FGF12: variants seen among roughly 807,000 people sequenced by gnomAD.
FGF12 encodes the protein fibroblast growth factor 12.
FGF12 carries 14 observed loss-of-function variants against 23.6 expected under a neutral mutation model. That is an observed-to-expected ratio of 0.59 (90% CI 0.39 to 0.93). The LOEUF is 0.93. FGF12 is among the 40% of genes least tolerant of loss of function. The probability of loss-of-function intolerance (pLI) is 0.00; values close to 1 mark genes in which losing one functional copy is unlikely to be tolerated. For missense variants in FGF12, 175 were observed against 217.8 expected (o/e 0.80, Z 1.24); for synonymous variants, 62 against 77.3 (o/e 0.80, Z 1.04).
At chr3:192,629,602 G>A (rs946304815) in intron 2 of FGF12, among the ~76,000 whole-genome samples, 4 of 152,144 alleles carry the variant, frequency 2.6e-5, no homozygotes, top group African/African-American at 9.7e-5. Context: ...GCATTATTTG[G>A]CTCCCAGACT....
intron 5 of FGF12, among the ~76,000 whole-genome samples, chr3:192,167,772 A>ATATTT (rs1715302128): frequency 1.9e-4 from 3 of 15,396 alleles, no homozygotes; most frequent in African/African-American, 4.5e-4. Flanking sequence ...TATATATAAA[A>ATATTT]TTTTTTTTTT....
intron 2 of FGF12, among the ~76,000 whole-genome samples, chr3:192,402,540 C>T (rs1341384014): frequency 1.3e-5 from 2 of 152,170 alleles, no homozygotes; most frequent in Non-Finnish European, 2.9e-5. Flanking sequence ...CTTCCTAACC[C>T]TCAGTGTGGT....
intron 4 of FGF12, among the ~76,000 whole-genome samples, chr3:192,241,660 A>G (rs1156619705): frequency 6.6e-6 from 1 of 152,146 alleles, no homozygotes; most frequent in Non-Finnish European, 1.5e-5. Flanking sequence ...AAAAGCTTTA[A>G]AGATGGGAAA....
chr3:192,171,338 T>C (rs77559126), intron 4 of FGF12, among the ~76,000 whole-genome samples: 6,631 of 152,244 alleles, frequency 0.044, 193 homozygotes, highest in Admixed American at 0.058. Context: ...CAGAAGAAAC[T>C]GTAAGATCCT....
At position 192,168,000 on chromosome 3, in the gene FGF12, C is replaced by T. The variant is rs899613258; in HGVS notation, c.427+2458G>A. ...CAGGCTGATCTCAAACTCCTGACCT[C>T]GTGATCCGCCCACCTCGGTCTCCCA... On this transcript the variant is annotated intron_variant, in intron 5 of 5. Coordinates refer to ENST00000445105, the MANE Select transcript of FGF12 (RefSeq NM_004113.6). 9.3e-5 allele frequency among the ~76,000 whole-genome samples: 14 copies of T among 151,178 alleles called. No homozygotes were observed. In the South Asian group the frequency reaches 1.0e-3, roughly 11 times the overall value.
intron 2 of FGF12, among the ~76,000 whole-genome samples, chr3:192,388,447 G>A: frequency 6.6e-6 from 1 of 151,988 alleles, no homozygotes; most frequent in Non-Finnish European, 1.5e-5. Context: ...ACATATGTTA[G>A]GTGCTTTTTA....
At chr3:192,355,651 T>C (rs1718438760) in intron 3 of FGF12, among the ~76,000 whole-genome samples, 1 of 152,174 alleles carries the variant, frequency 6.6e-6, no homozygotes, top group African/African-American at 2.4e-5. Context: ...CAAGTGGTTT[T>C]AAGGAGGGCT....
chr3:192,626,132 A>G (rs577748290), intron 2 of FGF12, among the ~76,000 whole-genome samples: 1 of 152,310 alleles, frequency 6.6e-6, no homozygotes, highest in East Asian at 1.9e-4. Flanking sequence ...GCTCACCAAG[A>G]ATAAGTAAAT....
At chr3:192,367,287 G>C (rs982898060) in intron 2 of FGF12, among the ~76,000 whole-genome samples, 7 of 152,236 alleles carry the variant, frequency 4.6e-5, no homozygotes, top group Non-Finnish European at 1.0e-4. Flanking sequence ...GTAGTTTGAC[G>C]GGTTCTTTTA....
intron 2 of FGF12, among the ~76,000 whole-genome samples, chr3:192,547,801 G>A (rs1024139361): frequency 2.6e-5 from 4 of 152,100 alleles, no homozygotes; most frequent in East Asian, 1.9e-4. Context: ...CAGTCACTGC[G>A]ATAAAAATTA....
intron 2 of FGF12, among the ~76,000 whole-genome samples, chr3:192,457,958 C>T (rs980015827): frequency 5.3e-5 from 8 of 152,198 alleles, no homozygotes; most frequent in African/African-American, 1.9e-4. Flanking sequence ...GTCGCAGCCA[C>T]TCCAACTGTG....
chr3:192,154,435 T>C (rs150149881), intron 5 of FGF12, among the ~76,000 whole-genome samples: 21,639 of 107,206 alleles, frequency 0.2, 5,332 homozygotes, highest in South Asian at 0.24. Context: ...TTTTCCCCAT[T>C]TTTGTGGTTT....
At chr3:192,654,890 C>G (rs1382250450) in intron 2 of FGF12, among the ~76,000 whole-genome samples, 1 of 151,592 alleles carries the variant, frequency 6.6e-6, no homozygotes, top group Non-Finnish European at 1.5e-5. Context: ...TCTGACAGAT[C>G]AGTGTGAAAA....
chr3:192,676,689 A>T (rs1040674548), intron 2 of FGF12, among the ~76,000 whole-genome samples: 3 of 152,206 alleles, frequency 2.0e-5, no homozygotes, highest in Non-Finnish European at 4.4e-5. Flanking sequence ...TTAATCCAGT[A>T]TGATTGGCAT....
intron 2 of FGF12, among the ~76,000 whole-genome samples, chr3:192,492,878 G>A (rs1723839846): frequency 6.6e-6 from 1 of 151,634 alleles, no homozygotes; most frequent in Admixed American, 6.6e-5. Context: ...ACACAGGATG[G>A]TAGAGATAAG....
At chr3:192,215,515 G>C (rs1718148014) in intron 4 of FGF12, among the ~76,000 whole-genome samples, 1 of 152,124 alleles carries the variant, frequency 6.6e-6, no homozygotes, top group South Asian at 2.1e-4. Context: ...CCAAATGTAA[G>C]TGCTTGGCTA....
chr3:192,159,099 C>CTACT (rs1714720322), intron 5 of FGF12, among the ~76,000 whole-genome samples: 1 of 152,184 alleles, frequency 6.6e-6, no homozygotes, highest in East Asian at 1.9e-4. Flanking sequence ...CCTCATTTCT[C>CTACT]TACTTCCTTT....
At chr3:192,339,347 T>C (rs1311394541) in intron 3 of FGF12, among the ~76,000 whole-genome samples, 1 of 152,180 alleles carries the variant, frequency 6.6e-6, no homozygotes, top group Non-Finnish European at 1.5e-5. Context: ...TCCTAACTCA[T>C]AGTAACTGGG....
intron 2 of FGF12, among the ~76,000 whole-genome samples, chr3:192,648,621 C>T (rs1013957960): frequency 8.6e-5 from 13 of 151,790 alleles, no homozygotes; most frequent in African/African-American, 2.7e-4. Context: ...ACTAGATAAA[C>T]ATCTCTTAAG....
Sources: gnomAD v4.1 joint callset for allele counts (sites outside exome capture counted in the v4.1 genomes callset) on GRCh38, gnomAD v4.1.1 for gene constraint, MANE v1.5 for transcripts, NCBI Gene and HGNC (gene_info 2026-07-23, HGNC 2026-07-21) for gene names.